FANCC: variants seen among roughly 807,000 people sequenced by gnomAD.
The protein encoded by FANCC is FA complementation group C.
A neutral mutation model predicts 71.3 loss-of-function variants in FANCC; 55 were observed. The observed-to-expected ratio is 0.77, with a 90% CI of 0.62 to 0.97. The LOEUF is 0.97. FANCC is among the 50% of genes least tolerant of loss of function. The probability of loss-of-function intolerance (pLI) is 0.00; values close to 1 mark genes in which losing one functional copy is unlikely to be tolerated. For synonymous variants in FANCC, 275 were observed against 244.9 expected (o/e 1.12, Z -1.15); for missense variants, 678 against 670.9 (o/e 1.01, Z -0.12).
At chr9:95,171,452 T>C (rs1292291429) in intron 5 of FANCC, among the ~76,000 whole-genome samples, 1 of 151,266 alleles carries the variant, frequency 6.6e-6, no homozygotes, top group Non-Finnish European at 1.5e-5. Context: ...TAAAATTCAG[T>C]TCATTTGAAA....
At chr9:95,313,536 C>A (rs531669290) in intron 1 of FANCC, among the ~76,000 whole-genome samples, 5 of 152,184 alleles carry the variant, frequency 3.3e-5, no homozygotes, top group African/African-American at 9.6e-5. Flanking sequence ...TGAGTGAATT[C>A]TATCAAATAT....
At chr9:95,191,862 C>T (rs79389623) in intron 4 of FANCC, among the ~76,000 whole-genome samples, 13 of 152,178 alleles carry the variant, frequency 8.5e-5, no homozygotes, top group Admixed American at 5.9e-4. Context: ...CTGCTTTCAC[C>T]GTGATCCCAG....
chr9:95,316,265 T>C (rs1046696395), intron 1 of FANCC, among the ~76,000 whole-genome samples: 1 of 152,236 alleles, frequency 6.6e-6, no homozygotes, highest in Non-Finnish European at 1.5e-5. Flanking sequence ...GAATAATGTA[T>C]ATGAGTGCTT....
chr9:95,135,243 T>C, intron 8 of FANCC, 103 bp downstream of exon 8: 10 of 1,135,598 alleles, frequency 8.8e-6, no homozygotes, highest in South Asian at 2.5e-5. Flanking sequence ...AAGGTTCCAA[T>C]TGCTCTTTTG....
chr9:95,173,823 C>G (rs1394030939), intron 4 of FANCC, among the ~76,000 whole-genome samples: 1 of 152,140 alleles, frequency 6.6e-6, no homozygotes, highest in Non-Finnish European at 1.5e-5. Flanking sequence ...GAGGCTGAGG[C>G]AGGAGGATCA....
chr9:95,117,938 T>A (rs949627257), intron 10 of FANCC, among the ~76,000 whole-genome samples: 1 of 152,172 alleles, frequency 6.6e-6, no homozygotes, highest in Non-Finnish European at 1.5e-5. Context: ...GTCAGGCTGG[T>A]CTCGAACTCC....
At chr9:95,129,856 C>G (rs1826618364) in intron 8 of FANCC, among the ~76,000 whole-genome samples, 1 of 152,164 alleles carries the variant, frequency 6.6e-6, no homozygotes, top group Admixed American at 6.5e-5. Flanking sequence ...TGCCCTCCCT[C>G]TTGTATAGAC....
At chr9:95,288,375 G>A (rs909089052) in intron 1 of FANCC, among the ~76,000 whole-genome samples, 2 of 152,048 alleles carry the variant, frequency 1.3e-5, no homozygotes, top group Admixed American at 6.5e-5. Context: ...AGTTATATAT[G>A]TCAAGGGATT....
At chr9:95,273,720 T>C (rs983495990) in intron 1 of FANCC, among the ~76,000 whole-genome samples, 2 of 152,178 alleles carry the variant, frequency 1.3e-5, no homozygotes, top group African/African-American at 4.8e-5. Flanking sequence ...CAGCTCAGTA[T>C]CTCAAGGTCC....
chr9:95,101,688 C>G lies in FANCC; in HGVS notation c.*19G>C. 6.2e-7 allele frequency: 1 copy of G among 1,613,258 alleles called. No homozygotes were observed. The highest frequency in any genetic ancestry group is 2.2e-5 in the East Asian group (1 of 44,872). ...AGCCTGATCCCTCACGCCGGGCACC[C>G]ACACGGCCTGCGTGCCTTCTAGACT... On this transcript the variant is annotated 3_prime_UTR_variant, in exon 15 of 15. Transcript: ENST00000289081.
At chr9:95,236,015 T>C (rs969992708) in intron 4 of FANCC, among the ~76,000 whole-genome samples, 1 of 152,094 alleles carries the variant, frequency 6.6e-6, no homozygotes, top group African/African-American at 2.4e-5. Context: ...TTTTTTAATT[T>C]ATAAGTTTTT....
chr9:95,303,746 G>C (rs1385738206), intron 1 of FANCC, among the ~76,000 whole-genome samples: 1 of 152,086 alleles, frequency 6.6e-6, no homozygotes, highest in East Asian at 1.9e-4. Flanking sequence ...CTTCCTAAAG[G>C]CTCCATCTCC....
intron 1 of FANCC, among the ~76,000 whole-genome samples, chr9:95,289,794 G>A (rs1833898234): frequency 6.6e-6 from 1 of 151,770 alleles, no homozygotes; most frequent in Non-Finnish European, 1.5e-5. Context: ...GAGACTATAG[G>A]CACATGCCAC....
chr9:95,317,623 T>A lies in FANCC; in HGVS notation c.-176A>T, dbSNP rs1490861386. ...GGCTTGAAAATTTGGCTTTGCCTCG[T>A]ATTGGCTTTTTGAGTTTTTTTGGAA... On this transcript the variant is annotated 5_prime_UTR_variant, in exon 1 of 15. Transcript: ENST00000289081. The A allele has an allele frequency of 6.6e-6, 1 of 152,218 alleles. No individual in the cohort carries two copies. The highest frequency in any genetic ancestry group is 6.5e-5 in the Admixed American group (1 of 15,286). 9.4% of individuals were successfully genotyped at this position (152,218 alleles called of 1,614,324 possible). A position where few individuals can be genotyped will look rare whatever the true frequency, so the allele number is the denominator to read the frequency against.
intron 1 of FANCC, among the ~76,000 whole-genome samples, chr9:95,252,819 C>A (rs1424398471): frequency 6.7e-6 from 1 of 149,186 alleles, no homozygotes; most frequent in Non-Finnish European, 1.5e-5. Flanking sequence ...CAGGCGGTCA[C>A]AGGAGCATCG....
Position 95,100,276 on chromosome 9 carries a change from CA to C in FANCC, c.*1430del, listed in dbSNP as rs1411397086. 1.7e-5 allele frequency: 4 copies of C among 232,926 alleles called. No homozygotes were observed. In the East Asian group the frequency reaches 2.4e-4, roughly 14 times the overall value. 14.4% of individuals were successfully genotyped at this position (232,926 alleles called of 1,614,324 possible). A position where few individuals can be genotyped will look rare whatever the true frequency, so the allele number is the denominator to read the frequency against. On this transcript the variant is annotated 3_prime_UTR_variant, in exon 15 of 15. Coordinates refer to ENST00000289081, the MANE Select transcript of FANCC (RefSeq NM_000136.3). ...CAATGACCATGATGGCAGCTGCCAC[CA>C]AAATACTTTACCAGCACACCCTTCT...
rs1554858394 is a variant in FANCC at position 95,249,297 on chromosome 9, A to C, written c.-6T>G. 1 of 1,613,896 alleles carries C rather than the reference A, an allele frequency of 6.2e-7. No homozygotes were observed. The highest frequency in any genetic ancestry group is 1.1e-5 in the South Asian group (1 of 91,082). On this transcript the variant is annotated 5_prime_UTR_variant, in exon 2 of 15. Transcript: ENST00000289081. ...TCTACTGAATCTTGAGCCATCTTGG[A>C]AAAAGCGAAAAGGTGATGTCCCTTC...
intron 1 of FANCC, among the ~76,000 whole-genome samples, chr9:95,276,338 T>C (rs1193115526): frequency 1.3e-4 from 20 of 152,260 alleles, no homozygotes. Flanking sequence ...ACAGTACCTC[T>C]GGTTTCTTGC....
chr9:95,256,167 A>G (rs560780111), intron 1 of FANCC, among the ~76,000 whole-genome samples: 2 of 152,204 alleles, frequency 1.3e-5, no homozygotes, highest in East Asian at 3.9e-4. Flanking sequence ...ACAGGCCAAC[A>G]TTCAAATTCA....
Sources: gnomAD v4.1 joint callset for allele counts (sites outside exome capture counted in the v4.1 genomes callset) on GRCh38, gnomAD v4.1.1 for gene constraint, MANE v1.5 for transcripts, NCBI Gene and HGNC (gene_info 2026-07-23, HGNC 2026-07-21) for gene names.